Variants in ASTN2 observed in about 807,000 individuals in gnomAD.
ASTN2 encodes the protein astrotactin 2.
In ASTN2, 54 loss-of-function variants were observed where a neutral mutation model predicts 139.8. The observed-to-expected ratio is 0.39, with a 90% CI of 0.31 to 0.48. ASTN2 has a LOEUF of 0.48. Ranked by LOEUF, ASTN2 falls within the 20% of genes least tolerant of loss-of-function variation. The probability of loss-of-function intolerance (pLI) is 0.95; values close to 1 mark genes in which losing one functional copy is unlikely to be tolerated. For synonymous variants in ASTN2, 756 were observed against 719.5 expected, an observed-to-expected ratio of 1.05 and a Z score of -0.81; for missense variants, 1,565 against 1,725.1, an observed-to-expected ratio of 0.91 and a Z score of 1.64.
At chr9:116,816,714 G>A (rs1181521170) in intron 12 of ASTN2, among the ~76,000 whole-genome samples, 1 of 152,036 alleles carries the variant, frequency 6.6e-6, no homozygotes, top group African/African-American at 2.4e-5. Context: ...GGCTATCACA[G>A]GGAGAGCCAT....
intron 10 of ASTN2, among the ~76,000 whole-genome samples, chr9:116,954,556 A>G (rs186122519): frequency 4.6e-5 from 7 of 152,342 alleles, no homozygotes; most frequent in Admixed American, 2.0e-4. Flanking sequence ...ATAAGTAACT[A>G]CTATTACTTT....
rs182180625 is a variant in ASTN2, at chr9:116,714,698, C to T, written c.2806+11073G>A. Among the ~76,000 whole-genome samples, 15 of 152,256 alleles carry T rather than the reference C, an allele frequency of 9.9e-5. No homozygotes were observed. The East Asian group carries it at 2.7e-3, about 27-fold the overall frequency. The stretch of plus-strand genomic sequence containing the variant: ...TGTTGCCATTTGTTGAAACTTACAC[C>T]TGTCGGGAGGAGAATGCATCAATGA... On this transcript the variant is annotated intron_variant, in intron 16 of 22. Transcript: ENST00000313400.
At chr9:116,479,872 G>A (rs1433683447) in intron 20 of ASTN2, among the ~76,000 whole-genome samples, 2 of 152,214 alleles carry the variant, frequency 1.3e-5, no homozygotes, top group African/African-American at 4.8e-5. Context: ...TCATAATTCG[G>A]TGTGGCAATT....
chr9:116,624,130 C>G (rs538140515), intron 17 of ASTN2, among the ~76,000 whole-genome samples: 1 of 152,106 alleles, frequency 6.6e-6, no homozygotes, highest in East Asian at 1.9e-4. Context: ...GCTAGCAAAC[C>G]AAGCTGGGCA....
At chr9:117,072,605 G>A (rs1468136600) in intron 5 of ASTN2, among the ~76,000 whole-genome samples, 1 of 152,212 alleles carries the variant, frequency 6.6e-6, no homozygotes, top group Non-Finnish European at 1.5e-5. Flanking sequence ...ATCTAAGTCA[G>A]GGCCCTTTGT....
chr9:116,513,222 C>T (rs1850482137), intron 19 of ASTN2, among the ~76,000 whole-genome samples: 1 of 152,058 alleles, frequency 6.6e-6, no homozygotes, highest in Non-Finnish European at 1.5e-5. Flanking sequence ...TCAGCATTTG[C>T]TTGTCTATAA....
chr9:116,914,045 G>A (rs7029462), intron 10 of ASTN2, among the ~76,000 whole-genome samples: 120,927 of 146,470 alleles, frequency 0.83, 50,747 homozygotes, highest in Middle Eastern at 0.89. Flanking sequence ...AGCATATGCA[G>A]AGGTGTGGAG....
chr9:117,025,131 G>C (rs946709352), intron 6 of ASTN2, among the ~76,000 whole-genome samples: 1 of 152,090 alleles, frequency 6.6e-6, no homozygotes, highest in Non-Finnish European at 1.5e-5. Flanking sequence ...AAGCGGCAAA[G>C]GGATTTAGGC....
chr9:117,133,082 C>T (rs754377782), intron 4 of ASTN2, among the ~76,000 whole-genome samples: 2 of 152,186 alleles, frequency 1.3e-5, no homozygotes, highest in Non-Finnish European at 2.9e-5. Flanking sequence ...CCAGAAGTTT[C>T]TGACTCCAAA....
intron 2 of ASTN2, among the ~76,000 whole-genome samples, chr9:117,242,726 A>G (rs73655608): frequency 1.6e-4 from 25 of 152,346 alleles, no homozygotes; most frequent in African/African-American, 5.5e-4. Flanking sequence ...CATGATAAGA[A>G]GACTTCCCTA....
chr9:116,915,497 G>A (rs1834417469), intron 10 of ASTN2, among the ~76,000 whole-genome samples: 1 of 152,116 alleles, frequency 6.6e-6, no homozygotes, highest in African/African-American at 2.4e-5. Context: ...CTTCAGGATG[G>A]GAGCTGGTCA....
intron 10 of ASTN2, among the ~76,000 whole-genome samples, chr9:116,894,814 CA>C (rs1833844750): frequency 6.6e-6 from 1 of 152,176 alleles, no homozygotes; most frequent in African/African-American, 2.4e-5. Flanking sequence ...CTCATTTAAT[CA>C]GGGGAGGAGA....
chr9:116,948,785 G>GTTTTTTTTTTTGTTTTTTTTTTTT (rs1835471236), intron 10 of ASTN2, among the ~76,000 whole-genome samples: 4 of 49,474 alleles, frequency 8.1e-5, no homozygotes, highest in African/African-American at 3.5e-4. Context: ...ATAATTTGGT[G>GTTTTTTTTTTTGTTTTTTTTTTTT]TTTTTTTTTT....
intron 1 of ASTN2, among the ~76,000 whole-genome samples, chr9:117,350,217 G>T (rs1829344090): frequency 6.6e-6 from 1 of 152,132 alleles, no homozygotes; most frequent in African/African-American, 2.4e-5. Context: ...GGTTCTGAGA[G>T]ATTAATTACT....
intron 2 of ASTN2, among the ~76,000 whole-genome samples, chr9:117,287,343 A>C (rs1834475465): frequency 1.3e-5 from 2 of 152,214 alleles, no homozygotes; most frequent in African/African-American, 4.8e-5. Context: ...TAAAATACCC[A>C]TGGATTCCAC....
rs144548458 is a variant in ASTN2, at chr9:116,423,587, A to C, written c.*2264T>G. On this transcript the variant is annotated 3_prime_UTR_variant, in exon 23 of 23. Transcript: ENST00000313400. Reference sequence around the variant, plus strand: ...CAAACTGATAGCTCTCTGAAGGCCCATGTATACCCAGGAAGTGGTATACAT... The same window carrying C: ...CAAACTGATAGCTCTCTGAAGGCCCCTGTATACCCAGGAAGTGGTATACAT... 3.3e-5 allele frequency among the ~76,000 whole-genome samples: 5 copies of C among 152,322 alleles called. No individual in the cohort carries two copies. The East Asian group carries it at 9.6e-4, about 29-fold the overall frequency.
chr9:116,634,397 T>C (rs1856957583), intron 17 of ASTN2, among the ~76,000 whole-genome samples: 1 of 151,834 alleles, frequency 6.6e-6, no homozygotes, highest in East Asian at 1.9e-4. Context: ...GAGACCATCC[T>C]GGCTAACACG....
At chr9:116,916,193 T>C (rs1364436953) in intron 10 of ASTN2, among the ~76,000 whole-genome samples, 1 of 152,168 alleles carries the variant, frequency 6.6e-6, no homozygotes, top group Non-Finnish European at 1.5e-5. Context: ...GGGTTTCATG[T>C]TGTTGTCTGT....
At chr9:116,483,071 G>C (rs1414097967) in intron 20 of ASTN2, among the ~76,000 whole-genome samples, 1 of 152,238 alleles carries the variant, frequency 6.6e-6, no homozygotes, top group Non-Finnish European at 1.5e-5. Context: ...CCAGGCAAGG[G>C]CAGGGACCAT....
Sources: allele counts gnomAD v4.1 joint callset (sites outside exome capture counted in the v4.1 genomes callset), GRCh38; gene constraint gnomAD v4.1.1; transcripts MANE v1.5; gene names NCBI Gene and HGNC (gene_info 2026-07-23, HGNC 2026-07-21).